Variants in MANBAL observed in about 807,000 individuals in gnomAD.
MANBAL encodes the protein mannosidase beta like.
MANBAL carries 1 observed loss-of-function variant against 6.4 expected under a neutral mutation model. That is an observed-to-expected ratio of 0.16 (90% confidence interval 0.06 to 0.74). MANBAL has a LOEUF of 0.74. Ranked by LOEUF, MANBAL falls within the 30% of genes least tolerant of loss-of-function variation. The probability of loss-of-function intolerance (pLI) is 0.78; values close to 1 mark genes in which losing one functional copy is unlikely to be tolerated. For missense variants in MANBAL, 100 were observed against 107.8 expected, an observed-to-expected ratio of 0.93 and a Z score of 0.32; for synonymous variants, 47 against 45.8, an observed-to-expected ratio of 1.03 and a Z score of -0.10.
intron 1 of MANBAL, chr20:37,297,328 G>A (rs567561013): frequency 6.6e-6 from 1 of 152,292 alleles, no homozygotes; most frequent in South Asian, 2.1e-4. Context: ...GGAACCAGAT[G>A]ATGTTGGGCT....
chr20:37,315,703 TC>T, intron 2 of MANBAL, among the ~76,000 whole-genome samples: 1 of 152,306 alleles, frequency 6.6e-6, no homozygotes, highest in Non-Finnish European at 1.5e-5. Context: ...TCTGACAGGC[TC>T]CGCAGAACAC....
At position 37,316,738 on chromosome 20, in the gene MANBAL, G is replaced by T; in HGVS notation, c.*323G>T. 4.3e-6 allele frequency: 1 copy of T among 229,912 alleles called. No homozygotes were observed. Among genetic ancestry groups the T allele is most frequent in the South Asian group, 6.2e-5 (1 of 16,112 alleles). The allele number at this position is 229,912 out of a possible 1,614,324, so 14.2% of individuals were successfully genotyped here. On this transcript the variant is annotated 3_prime_UTR_variant, in exon 3 of 3. Transcript: ENST00000373606. ...TGCTTAGTCATGTGTCCCTCCTTGA[G>T]TTGCCCCCTCCTTGTGGGTTTACAC... is the stretch of plus-strand genomic sequence containing the variant.
At chr20:37,302,208 C>T in intron 2 of MANBAL, 2 of 1,548,968 alleles carry the variant, frequency 1.3e-6, no homozygotes, top group Non-Finnish European at 1.7e-6. Flanking sequence ...ACCTACATCC[C>T]AGGAATTGGC....
intron 2 of MANBAL, among the ~76,000 whole-genome samples, chr20:37,308,002 A>G (rs1259348621): frequency 6.6e-6 from 1 of 152,180 alleles, no homozygotes; most frequent in African/African-American, 2.4e-5. Flanking sequence ...ACTGCTCCTC[A>G]CTGGCATGCC....
At chr20:37,310,940 AAT>A (rs1288963545) in intron 2 of MANBAL, among the ~76,000 whole-genome samples, 1 of 152,164 alleles carries the variant, frequency 6.6e-6, no homozygotes, top group Non-Finnish European at 1.5e-5. Flanking sequence ...GGCAGCCCTT[AAT>A]TGAGAGTCAT....
At chr20:37,310,498 C>G (rs903824232) in intron 2 of MANBAL, among the ~76,000 whole-genome samples, 3 of 152,230 alleles carry the variant, frequency 2.0e-5, no homozygotes, top group African/African-American at 7.2e-5. Context: ...GCACCTGGGC[C>G]ATTTTCAAGG....
intron 2 of MANBAL, among the ~76,000 whole-genome samples, chr20:37,303,019 TCTC>T (rs2069173099): frequency 2.6e-5 from 4 of 152,188 alleles, no homozygotes; most frequent in Admixed American, 2.6e-4. Context: ...TTCAAGCAAT[TCTC>T]CTGCTTCAGC....
intron 2 of MANBAL, among the ~76,000 whole-genome samples, chr20:37,304,470 A>G (rs1418089751): frequency 6.6e-6 from 1 of 152,162 alleles, no homozygotes; most frequent in East Asian, 1.9e-4. Flanking sequence ...TTTCTTTTTG[A>G]AAACAGTAAC....
In MANBAL at chr20:37,306,688, T is replaced by A. The variant is rs11907664; in HGVS notation, c.150+5275T>A. 3.8e-3 allele frequency among the ~76,000 whole-genome samples: 575 copies of A among 152,328 alleles called. 5 individuals carry two copies. The highest frequency in any genetic ancestry group is 0.013 in the African/African-American group (559 of 41,568). On this transcript the variant is annotated intron_variant, in intron 2 of 2. Coordinates refer to ENST00000373606, the MANE Select transcript of MANBAL (RefSeq NM_001003897.2). ...CCATTTCCATCTAGTCCAGGTTAGCTGGTAAGTTTCATCTCTCATGCCAAG... is the reference window on the plus strand; with the variant it reads ...CCATTTCCATCTAGTCCAGGTTAGCAGGTAAGTTTCATCTCTCATGCCAAG...
intron 2 of MANBAL, among the ~76,000 whole-genome samples, chr20:37,311,472 A>G (rs898369944): frequency 6.6e-6 from 1 of 151,816 alleles, no homozygotes; most frequent in African/African-American, 2.4e-5. Context: ...TGTTTTTTTT[A>G]TTTGTTTGTT....
chr20:37,312,774 T>C (rs1203032995), intron 2 of MANBAL, among the ~76,000 whole-genome samples: 1 of 152,124 alleles, frequency 6.6e-6, no homozygotes, highest in Non-Finnish European at 1.5e-5. Context: ...ACCTCTCGAG[T>C]AGCTGGGAGG....
At chr20:37,292,390 C>T (rs1248244845) in intron 1 of MANBAL, among the ~76,000 whole-genome samples, 1 of 152,166 alleles carries the variant, frequency 6.6e-6, no homozygotes, top group Non-Finnish European at 1.5e-5. Context: ...CAACCTCCAC[C>T]TCCCGGGTTT....
chr20:37,311,135 T>C (rs1030953462), intron 2 of MANBAL, among the ~76,000 whole-genome samples: 11 of 152,146 alleles, frequency 7.2e-5, no homozygotes, highest in Non-Finnish European at 1.5e-4. Context: ...ACCAGGGCGA[T>C]GGAGAGGCTC....
rs1043404 is a variant in MANBAL, at chr20:37,316,701, G to A, written c.*286G>A. 0.62 allele frequency: 157,394 copies of A among 254,998 alleles called. 49,888 individuals carry two copies. Among genetic ancestry groups the A allele is most frequent in the East Asian group, 0.99 (9,378 of 9,460 alleles). The allele number at this position is 254,998 out of a possible 1,614,324, so 15.8% of individuals were successfully genotyped here. On this transcript the variant is annotated 3_prime_UTR_variant, in exon 3 of 3. Coordinates refer to ENST00000373606, the MANE Select transcript of MANBAL (RefSeq NM_001003897.2). ...TTCAGAAGCCGGGTCAGCTCACAGA[G>A]TCACATTTTCTTGCTTAGTCATGTG...
At chr20:37,295,458 T>C (rs2068972030) in intron 1 of MANBAL, among the ~76,000 whole-genome samples, 1 of 152,214 alleles carries the variant, frequency 6.6e-6, no homozygotes, top group Admixed American at 6.5e-5. Context: ...CTCTTTGATA[T>C]TTTCTATTGT....
At position 37,301,273 on chromosome 20, in the gene MANBAL, G is replaced by T. The variant is rs758221284; in HGVS notation, c.10G>T (p.Asp4Tyr). Residue 4 changes from aspartate to tyrosine, a missense_variant, in exon 2 of 3, where the codon GAC becomes TAC. Coordinates refer to ENST00000373606, the MANE Select transcript of MANBAL (RefSeq NM_001003897.2). MAS[D>Y]LDFSPPEVPE... ...GCAAGCGACTTGGGCCATGGCCTCT[G>T]ACCTAGACTTCTCACCTCCGGAGGT... is the stretch of plus-strand genomic sequence containing the variant. 6.2e-7 allele frequency: 1 copy of T among 1,607,324 alleles called. No individual in the cohort carries two copies. Among genetic ancestry groups the T allele is most frequent in the African/African-American group, 1.3e-5 (1 of 74,926 alleles).
Position 37,301,422 on chromosome 20 carries a change from T to C in MANBAL, c.150+9T>C. Reference sequence around the variant, plus strand: ...CCAAGTCCCACGAGGCGGTGAGTTTTTCCCTGGGAGCCTCAGCTCCTCTGA... The same window carrying C: ...CCAAGTCCCACGAGGCGGTGAGTTTCTCCCTGGGAGCCTCAGCTCCTCTGA... On this transcript the variant is annotated intron_variant, in intron 2 of 2. Coordinates refer to ENST00000373606, the MANE Select transcript of MANBAL (RefSeq NM_001003897.2). 1 of 1,609,274 alleles carries C rather than the reference T, an allele frequency of 6.2e-7. No individual in the cohort carries two copies. Among genetic ancestry groups the C allele is most frequent in the Non-Finnish European group, 8.5e-7 (1 of 1,177,040 alleles).
At position 37,299,877 on chromosome 20, in the gene MANBAL, G is replaced by A. The variant is rs147527426; in HGVS notation, c.-56-1331G>A. Among the ~76,000 whole-genome samples the A allele has an allele frequency of 3.3e-3, 510 of 152,280 alleles. 5 individuals are homozygous for A. Among genetic ancestry groups the A allele is most frequent in the Middle Eastern group, 0.02 (6 of 294 alleles). On this transcript the variant is annotated intron_variant, in intron 1 of 2. Coordinates refer to ENST00000373606, the MANE Select transcript of MANBAL (RefSeq NM_001003897.2). ...ATTTTGAAAGAGCCCAGTGCTCTTG[G>A]AGAACCACAGCAGTTCTTTCAGCTT...
At chr20:37,296,113 G>GCCACATGTGGCTAA (rs1448853227) in intron 1 of MANBAL, among the ~76,000 whole-genome samples, 1 of 152,166 alleles carries the variant, frequency 6.6e-6, no homozygotes, top group Middle Eastern at 3.2e-3. Flanking sequence ...TTGTTAATTA[G>GCCACATGTGGCTAA]TTAAATAAAA....
Sources: gnomAD v4.1 joint callset for allele counts (sites outside exome capture counted in the v4.1 genomes callset) on GRCh38, gnomAD v4.1.1 for gene constraint, MANE v1.5 for transcripts, NCBI Gene and HGNC (gene_info 2026-07-23, HGNC 2026-07-21) for gene names.